Variants in TMEM120B observed in about 807,000 individuals in gnomAD.
The protein encoded by TMEM120B is transmembrane protein 120B.
TMEM120B carries 31 observed loss-of-function variants against 55.5 expected under a neutral mutation model. The observed-to-expected ratio is 0.56, with a 90% CI of 0.42 to 0.75. TMEM120B has a LOEUF of 0.75. Ranked by LOEUF, TMEM120B falls within the 30% of genes least tolerant of loss-of-function variation. The pLI is 0.00. For missense variants in TMEM120B, 399 were observed against 425.5 expected (o/e 0.94, Z 0.55); for synonymous variants, 203 against 176.3 (o/e 1.15, Z -1.20).
chr12:121,724,432 C>T (rs898425139), intron 1 of TMEM120B, among the ~76,000 whole-genome samples: 1 of 152,066 alleles, frequency 6.6e-6, no homozygotes, highest in Non-Finnish European at 1.5e-5. Context: ...CCCGCCTTGG[C>T]CTCCCAAAGT....
intron 1 of TMEM120B, among the ~76,000 whole-genome samples, chr12:121,730,184 A>G (rs953603751): frequency 8.6e-5 from 13 of 151,656 alleles, no homozygotes; most frequent in African/African-American, 2.9e-4. Flanking sequence ...CCTGGAACCC[A>G]GGAAGCGGAG....
intron 3 of TMEM120B, 139 bp downstream of exon 3, chr12:121,748,581 C>A (rs544211279): frequency 8.5e-6 from 5 of 591,444 alleles, no homozygotes; most frequent in African/African-American, 1.9e-5. Context: ...AGATAAGGAG[C>A]CTTCCTTACA....
At chr12:121,763,345 G>C (rs1873743147) in intron 6 of TMEM120B, among the ~76,000 whole-genome samples, 1 of 151,748 alleles carries the variant, frequency 6.6e-6, no homozygotes, top group Admixed American at 6.6e-5. Flanking sequence ...TGTATTTTTA[G>C]TAGAGATGGG....
intron 6 of TMEM120B, among the ~76,000 whole-genome samples, chr12:121,764,237 A>G (rs1261646215): frequency 6.6e-6 from 1 of 150,764 alleles, no homozygotes; most frequent in Admixed American, 6.6e-5. Flanking sequence ...TTAACCAGGC[A>G]TGGGCCAGGT....
At chr12:121,764,029 C>G (rs145849157) in intron 6 of TMEM120B, among the ~76,000 whole-genome samples, 3 of 152,090 alleles carry the variant, frequency 2.0e-5, no homozygotes, top group Admixed American at 6.6e-5. Context: ...ATTTAGAAAA[C>G]ATCAGTGTGT....
At position 121,743,748 on chromosome 12, in the gene TMEM120B, G is replaced by T; in HGVS notation, c.188+1G>T. 1 of 1,609,842 alleles carries T rather than the reference G, an allele frequency of 6.2e-7. No individual in the cohort carries two copies. Among genetic ancestry groups the T allele is most frequent in the Non-Finnish European group, 8.5e-7 (1 of 1,177,230 alleles). On this transcript the variant is annotated splice_donor_variant, in intron 2 of 11. Transcript: ENST00000449592. LOFTEE classifies it high-confidence loss of function. ...AGGACTTGAAGCTTACACTCCAGAG[G>T]TAGGTGCAGCTGTAGCCCGGGGGCT... is the stretch of plus-strand genomic sequence containing the variant.
In TMEM120B at chr12:121,752,170, G is replaced by A. The variant is rs759383330; in HGVS notation, c.408G>A (p.Leu136=). 38 of 1,613,582 alleles carry A rather than the reference G, an allele frequency of 2.4e-5. No homozygotes were observed. The highest frequency in any genetic ancestry group is 3.2e-5 in the Non-Finnish European group (38 of 1,179,930). The change falls in exon 5 of 12, where the codon CTG becomes CTA. Residue 136 remains leucine, a synonymous_variant. Coordinates refer to ENST00000449592, the MANE Select transcript of TMEM120B (RefSeq NM_001080825.2). Reference sequence around the variant, plus strand: ...AATATGAGAAGTTCAAGCTCTACCTGACCATCATCCTGCTCCTGGGTGCCG... The same window carrying A: ...AATATGAGAAGTTCAAGCTCTACCTAACCATCATCCTGCTCCTGGGTGCCG... The part of the protein sequence containing the change: ...KDEYEKFKLY[L]TIILLLGAVA...
intron 6 of TMEM120B, among the ~76,000 whole-genome samples, chr12:121,770,196 G>T (rs893349518): frequency 2.6e-5 from 4 of 152,238 alleles, no homozygotes; most frequent in African/African-American, 9.6e-5. Flanking sequence ...TACTGGCGGG[G>T]CTGGTTTCTC....
At chr12:121,736,295 C>T (rs1895111581) in intron 1 of TMEM120B, among the ~76,000 whole-genome samples, 1 of 151,370 alleles carries the variant, frequency 6.6e-6, no homozygotes, top group Admixed American at 6.6e-5. Context: ...CTGCCTCAGC[C>T]TCCTGCCACC....
At chr12:121,772,062 C>T (rs1042708539) in intron 8 of TMEM120B, among the ~76,000 whole-genome samples, 5 of 140,728 alleles carry the variant, frequency 3.6e-5, no homozygotes, top group African/African-American at 1.4e-4. Flanking sequence ...TCTTTTTCTT[C>T]CTTTCTTTTT....
Position 121,758,533 on chromosome 12 carries a change from C to T in TMEM120B, c.462-3116C>T, listed in dbSNP as rs1873554606. On this transcript the variant is annotated intron_variant, in intron 5 of 11. Transcript: ENST00000449592. ...TGTGGTCACCATGGAGGAGGATGGC[C>T]TAGCTCCACGCTGTGGCCACCATGG... The T allele has an allele frequency of 3.1e-6, 3 of 980,614 alleles. No individual in the cohort carries two copies. The African/African-American group carries it at 5.5e-5, about 18-fold the overall frequency. 60.7% of individuals were successfully genotyped at this position (980,614 alleles called of 1,614,324 possible).
At position 121,779,225 on chromosome 12, in the gene TMEM120B, G is replaced by C; in HGVS notation, c.*3503G>C. On this transcript the variant is annotated 3_prime_UTR_variant, in exon 12 of 12. Transcript: ENST00000449592. ...TCTGCACTGGGGAGACACTCGTGGTGGGGGTGGCTGTGATGAGGGCACTTG... is the reference window on the plus strand; with the variant it reads ...TCTGCACTGGGGAGACACTCGTGGTCGGGGTGGCTGTGATGAGGGCACTTG... 2.0e-6 allele frequency: 1 copy of C among 503,466 alleles called. No homozygotes were observed. The highest frequency in any genetic ancestry group is 3.6e-6 in the Non-Finnish European group (1 of 276,904). 31.2% of individuals were successfully genotyped at this position (503,466 alleles called of 1,614,324 possible).
rs143913475 is a variant in TMEM120B, at chr12:121,736,038, A to G, written c.70-7591A>G. 4.4e-3 allele frequency among the ~76,000 whole-genome samples: 676 copies of G among 152,226 alleles called. 3 individuals carry two copies. Among genetic ancestry groups the G allele is most frequent in the Non-Finnish European group, 6.5e-3 (443 of 68,012 alleles). On this transcript the variant is annotated intron_variant, in intron 1 of 11. Transcript: ENST00000449592. ...TGTTACTACCTAAGGACTTTCACTCAAGAAGAAAAACTACATAGTAACACC... is the reference window on the plus strand; with the variant it reads ...TGTTACTACCTAAGGACTTTCACTCGAGAAGAAAAACTACATAGTAACACC...
chr12:121,779,542 T>A lies in TMEM120B; in HGVS notation c.*3820T>A. The A allele has an allele frequency of 6.2e-7, 1 of 1,613,230 alleles. No individual in the cohort carries two copies. The highest frequency in any genetic ancestry group is 1.1e-5 in the South Asian group (1 of 91,092). ...CGGCGCTTCTTCTGCCGTTGCGCCT[T>A]CTTCAGAGCGCTGAGAGCCACCTTG... On this transcript the variant is annotated 3_prime_UTR_variant, in exon 12 of 12. Coordinates refer to ENST00000449592, the MANE Select transcript of TMEM120B (RefSeq NM_001080825.2).
intron 1 of TMEM120B, 48 bp downstream of exon 1, chr12:121,713,012 C>A (rs2136930940): frequency 4.8e-6 from 7 of 1,454,422 alleles, no homozygotes; most frequent in Admixed American, 5.4e-5. Flanking sequence ...CGCGGTGCAG[C>A]GCCTTGCCCT....
At chr12:121,724,892 G>C (rs932578597) in intron 1 of TMEM120B, among the ~76,000 whole-genome samples, 5 of 152,138 alleles carry the variant, frequency 3.3e-5, no homozygotes, top group African/African-American at 1.2e-4. Context: ...TTACAGGTGT[G>C]AGCCACCGCG....
chr12:121,713,508 C>G (rs1194417317), intron 1 of TMEM120B, among the ~76,000 whole-genome samples: 1 of 152,158 alleles, frequency 6.6e-6, no homozygotes, highest in African/African-American at 2.4e-5. Context: ...GGGGCTCTGA[C>G]GCTGCTGCAG....
At chr12:121,755,218 C>A (rs1873444468) in intron 5 of TMEM120B, among the ~76,000 whole-genome samples, 1 of 152,322 alleles carries the variant, frequency 6.6e-6, no homozygotes, top group African/African-American at 2.4e-5. Flanking sequence ...CTTCTTGGTA[C>A]CACTAAGCCT....
chr12:121,715,328 G>A (rs542842425), intron 1 of TMEM120B, among the ~76,000 whole-genome samples: 7 of 152,212 alleles, frequency 4.6e-5, no homozygotes, highest in Middle Eastern at 3.4e-3. Flanking sequence ...GCAAGACTCC[G>A]TCTCAAAAAC....
Sources: gnomAD v4.1 joint callset for allele counts (sites outside exome capture counted in the v4.1 genomes callset) on GRCh38, gnomAD v4.1.1 for gene constraint, MANE v1.5 for transcripts, NCBI Gene and HGNC (gene_info 2026-07-23, HGNC 2026-07-21) for gene names.